PAFAH1B1: variants seen among roughly 807,000 people sequenced by gnomAD.
PAFAH1B1 encodes the protein platelet-activating factor acetylhydrolase IB subunit beta.
In PAFAH1B1, 2 loss-of-function variants were observed where a neutral mutation model predicts 57.5. That is an observed-to-expected ratio of 0.03 (90% CI 0.01 to 0.11). The LOEUF is 0.11. Ranked by LOEUF, PAFAH1B1 falls within the 10% of genes least tolerant of loss-of-function variation. The pLI, the probability that PAFAH1B1 is intolerant of heterozygous loss-of-function variation, is 1.00. For synonymous variants in PAFAH1B1, 152 were observed against 169.6 expected (o/e 0.90, Z 0.81); for missense variants, 257 against 512.0 (o/e 0.50, Z 4.81).
At chr17:2,673,980 C>G (rs1448011953) in intron 7 of PAFAH1B1, 80 bp from the exon 8 acceptor site, 2 of 967,876 alleles carry the variant, frequency 2.1e-6, no homozygotes, top group African/African-American at 3.2e-5. Context: ...CTCTTCATCC[C>G]AGTACATATT....
At chr17:2,675,126 T>G (rs989477689) in intron 8 of PAFAH1B1, among the ~76,000 whole-genome samples, 2 of 152,180 alleles carry the variant, frequency 1.3e-5, no homozygotes, top group African/African-American at 2.4e-5. Flanking sequence ...CTCAGCCTCC[T>G]GAGTAGCTGG....
In PAFAH1B1 at chr17:2,627,584, G is replaced by A. The variant is rs145982202; in HGVS notation, c.-190-10515G>A. On this transcript the variant is annotated intron_variant, in intron 1 of 10. Coordinates refer to ENST00000397195, the MANE Select transcript of PAFAH1B1 (RefSeq NM_000430.4). ...CTTTGGCTATGCAGTCTCTTTTTTG[G>A]TTCCACATAAATTTTAGAATCATTT... is the stretch of plus-strand genomic sequence containing the variant. 7.2e-5 allele frequency among the ~76,000 whole-genome samples: 11 copies of A among 152,146 alleles called. No individual in the cohort carries two copies. The East Asian group carries it at 9.6e-4, about 13-fold the overall frequency.
intron 2 of PAFAH1B1, among the ~76,000 whole-genome samples, chr17:2,651,408 C>G (rs1180907264): frequency 3.7e-5 from 5 of 135,468 alleles, no homozygotes; most frequent in Non-Finnish European, 4.7e-5. Flanking sequence ...AAAACCCCGT[C>G]TCTACAAAAA....
At chr17:2,649,081 C>T (rs1338409422) in intron 2 of PAFAH1B1, among the ~76,000 whole-genome samples, 2 of 151,890 alleles carry the variant, frequency 1.3e-5, no homozygotes, top group African/African-American at 4.8e-5. Context: ...GGGGGTGGCT[C>T]ACACCTGTAA....
chr17:2,621,831 G>A (rs369335144), intron 1 of PAFAH1B1, among the ~76,000 whole-genome samples: 4 of 151,948 alleles, frequency 2.6e-5, no homozygotes, highest in African/African-American at 4.8e-5. Flanking sequence ...GTATTCGTTC[G>A]TTTTCACGTT....
chr17:2,626,658 A>G (rs1157641596), intron 1 of PAFAH1B1, among the ~76,000 whole-genome samples: 2 of 144,932 alleles, frequency 1.4e-5, no homozygotes, highest in Non-Finnish European at 3.0e-5. Context: ...TGGTTCAAGC[A>G]ATTCAACTGC....
intron 2 of PAFAH1B1, among the ~76,000 whole-genome samples, chr17:2,663,013 T>C (rs1157686570): frequency 6.6e-6 from 1 of 152,124 alleles, no homozygotes; most frequent in Non-Finnish European, 1.5e-5. Context: ...CTCTGGAGGC[T>C]GATGCAGGAG....
chr17:2,669,346 C>T (rs1212428791), intron 5 of PAFAH1B1, among the ~76,000 whole-genome samples: 4 of 151,014 alleles, frequency 2.6e-5, no homozygotes, highest in Non-Finnish European at 2.9e-5. Flanking sequence ...CTCACTGCAG[C>T]CTCCGCCTCC....
intron 1 of PAFAH1B1, among the ~76,000 whole-genome samples, chr17:2,618,837 G>A (rs9908626): frequency 0.41 from 60,753 of 148,822 alleles, 13,838 homozygotes; most frequent in African/African-American, 0.61. Context: ...ACTTGAACCC[G>A]GGAGGTGGAG....
chr17:2,639,307 T>G (rs1327166121), intron 2 of PAFAH1B1: 1 of 152,226 alleles, frequency 6.6e-6, no homozygotes, highest in Admixed American at 6.5e-5. Flanking sequence ...TGAAAGCTGT[T>G]TTGTTCTTGT....
In PAFAH1B1 at chr17:2,619,220, G is replaced by A. The variant is rs1404243437; in HGVS notation, c.-190-18879G>A. On this transcript the variant is annotated intron_variant, in intron 1 of 10. Transcript: ENST00000397195. ...GCTTTCGTGTAGCGGCGTAATCACC[G>A]CAGCTCACTGTAGACTCCAACTCCT... Among the ~76,000 whole-genome samples, 5 of 151,876 alleles carry A rather than the reference G, an allele frequency of 3.3e-5. 1 individual carries two copies. In the South Asian group the frequency reaches 6.2e-4, roughly 19 times the overall value.
chr17:2,603,489 T>C (rs750195057), intron 1 of PAFAH1B1, among the ~76,000 whole-genome samples: 1 of 151,910 alleles, frequency 6.6e-6, no homozygotes, highest in Non-Finnish European at 1.5e-5. Flanking sequence ...AGCGTGGTGG[T>C]AGATGCCTGT....
chr17:2,629,864 T>A (rs2068534275), intron 1 of PAFAH1B1, among the ~76,000 whole-genome samples: 1 of 152,208 alleles, frequency 6.6e-6, no homozygotes, highest in Non-Finnish European at 1.5e-5. Flanking sequence ...TAACCGCTGT[T>A]GCTTTAAAAT....
At chr17:2,598,618 A>G (rs753941474) in intron 1 of PAFAH1B1, among the ~76,000 whole-genome samples, 7 of 147,224 alleles carry the variant, frequency 4.8e-5, no homozygotes, top group Non-Finnish European at 1.0e-4. Flanking sequence ...TTTTTTACTT[A>G]GAAAGTTGTT....
rs1048340096 is a variant in PAFAH1B1 at position 2,685,604 on chromosome 17, C to T, written c.*3802C>T. 18 of 148,188 alleles carry T rather than the reference C, an allele frequency of 1.2e-4. No individual in the cohort carries two copies. Among genetic ancestry groups the T allele is most frequent in the African/African-American group, 4.5e-4 (18 of 40,078 alleles). The allele number at this position is 148,188 out of a possible 1,614,324, so 9.2% of individuals were successfully genotyped here. ...GTACCAACTGGTAAACTATTAAATG[C>T]CTATAAAACTAGATGTGATTTTTTT... is the stretch of plus-strand genomic sequence containing the variant. On this transcript the variant is annotated 3_prime_UTR_variant, in exon 11 of 11. Transcript: ENST00000397195.
At chr17:2,648,898 C>T (rs2068810057) in intron 2 of PAFAH1B1, among the ~76,000 whole-genome samples, 1 of 148,414 alleles carries the variant, frequency 6.7e-6, no homozygotes, top group Non-Finnish European at 1.5e-5. Flanking sequence ...ACTAAGAGTT[C>T]CTGTGTCTCT....
At chr17:2,639,243 G>C (rs1164493088) in intron 2 of PAFAH1B1, 1 of 152,164 alleles carries the variant, frequency 6.6e-6, no homozygotes, top group African/African-American at 2.4e-5. Context: ...GAAGTTAGGT[G>C]CTTCATAGCT....
At chr17:2,680,653 C>T (rs2069368760) in intron 10 of PAFAH1B1, among the ~76,000 whole-genome samples, 1 of 152,180 alleles carries the variant, frequency 6.6e-6, no homozygotes, top group Non-Finnish European at 1.5e-5. Flanking sequence ...TCTTCCTCAA[C>T]CTTTCCCACT....
chr17:2,672,080 G>A (rs541321831), intron 6 of PAFAH1B1, among the ~76,000 whole-genome samples: 2 of 152,122 alleles, frequency 1.3e-5, no homozygotes, highest in Admixed American at 6.5e-5. Flanking sequence ...ACCAGTGTGA[G>A]CAAAATATGG....
Sources: gnomAD v4.1 joint callset for allele counts (sites outside exome capture counted in the v4.1 genomes callset) on GRCh38, gnomAD v4.1.1 for gene constraint, MANE v1.5 for transcripts, NCBI Gene and HGNC (gene_info 2026-07-23, HGNC 2026-07-21) for gene names.